Variants in IFI27 observed in about 807,000 individuals in gnomAD.
IFI27 encodes interferon alpha-inducible protein 27, mitochondrial.
A neutral mutation model predicts 8.9 loss-of-function variants in IFI27; 3 were observed. The ratio of observed to expected loss-of-function variants is 0.34; its 90% CI spans 0.15 to 0.87. The LOEUF (loss-of-function observed/expected upper bound fraction) is 0.87. IFI27 is among the 40% of genes least tolerant of loss of function. The pLI is 0.51. For synonymous variants in IFI27, 66 were observed against 67.3 expected (o/e 0.98, Z 0.09); for missense variants, 152 against 157.7 (o/e 0.96, Z 0.19).
At position 94,111,504 on chromosome 14, in the gene IFI27, C is replaced by G; in HGVS notation, c.-58-121C>G. ...CACCCCAGGATCCTTTCAAGGCCTG[C>G]TGCTCCACAAGCTCAGAGCAGCCTC... On this transcript the variant is annotated intron_variant, in intron 1 of 4. Transcript: ENST00000621160. The surrounding 1 kb of genome is among the most constrained non-coding windows in gnomAD (Gnocchi z 4.3). 1 of 611,240 alleles carries G rather than the reference C, an allele frequency of 1.6e-6. No homozygotes were observed. The highest frequency in any genetic ancestry group is 2.0e-5 in the South Asian group (1 of 50,910). The allele number at this position is 611,240 out of a possible 1,614,324, so 37.9% of individuals were successfully genotyped here. A position where few individuals can be genotyped will look rare whatever the true frequency, so the allele number is the denominator to read the frequency against.
Position 94,116,079 on chromosome 14 carries a change from C to T in IFI27, c.283+137C>T. The T allele has an allele frequency of 9.9e-7, 1 of 1,011,670 alleles. No homozygotes were observed. The highest frequency in any genetic ancestry group is 1.5e-6 in the Non-Finnish European group (1 of 667,078). 62.7% of individuals were successfully genotyped at this position (1,011,670 alleles called of 1,614,324 possible). A position where few individuals can be genotyped will look rare whatever the true frequency, so the allele number is the denominator to read the frequency against. ...CTCTCTACACATTCTCTCAGGGTTT[C>T]TCTGAGGGAGATGGAGGAGGGAGGG... On this transcript the variant is annotated intron_variant, in intron 4 of 4. Transcript: ENST00000621160. This position sits in a 1 kb window ranked among gnomAD's most constrained non-coding sequence, Gnocchi z 4.3.
In IFI27 at chr14:94,116,069, C is replaced by T. The variant is rs1298616632; in HGVS notation, c.283+127C>T. ...TCCTCTGTCTCTCTCTACACATTCT[C>T]TCAGGGTTTCTCTGAGGGAGATGGA... On this transcript the variant is annotated intron_variant, in intron 4 of 4. Coordinates refer to ENST00000621160, the Ensembl canonical transcript of IFI27. The surrounding 1 kb of genome is among the most constrained non-coding windows in gnomAD (Gnocchi z 4.3). The T allele has an allele frequency of 1.9e-6, 2 of 1,039,148 alleles. No individual in the cohort carries two copies. Among genetic ancestry groups the T allele is most frequent in the Admixed American group, 2.0e-5 (1 of 50,412 alleles). The allele number at this position is 1,039,148 out of a possible 1,614,324, so 64.4% of individuals were successfully genotyped here. A position where few individuals can be genotyped will look rare whatever the true frequency, so the allele number is the denominator to read the frequency against.
intron 2 of IFI27, chr14:94,114,108 C>T (rs1307587326): frequency 2.0e-5 from 3 of 152,382 alleles, no homozygotes; most frequent in Non-Finnish European, 4.4e-5. Flanking sequence ...GGGAAGGCTT[C>T]CTGGAGGAGG....
In IFI27 at chr14:94,116,383, G is replaced by T; in HGVS notation, c.284-59G>T. The T allele has an allele frequency of 8.1e-7, 1 of 1,240,438 alleles. No individual in the cohort carries two copies. 76.8% of individuals were successfully genotyped at this position (1,240,438 alleles called of 1,614,324 possible). On this transcript the variant is annotated intron_variant, in intron 4 of 4. Coordinates refer to ENST00000621160, the Ensembl canonical transcript of IFI27. The surrounding 1 kb of genome is among the most constrained non-coding windows in gnomAD (Gnocchi z 4.3). ...CTGGAGTCTCTGACCCCACAGTCCT[G>T]CCCACAGAGCTTCCCCGACAGGCAT...
Position 94,111,630 on chromosome 14 carries a change from G to C in IFI27, c.-53G>C. The C allele has an allele frequency of 7.5e-6, 11 of 1,467,696 alleles. No homozygotes were observed. The South Asian group carries it at 1.3e-4, about 17-fold the overall frequency. The allele number at this position is 1,467,696 out of a possible 1,614,324, so 90.9% of individuals were successfully genotyped here. A position where few individuals can be genotyped will look rare whatever the true frequency, so the allele number is the denominator to read the frequency against. On this transcript the variant is annotated 5_prime_UTR_variant, in exon 2 of 5. Transcript: ENST00000621160. This position sits in a 1 kb window ranked among gnomAD's most constrained non-coding sequence, Gnocchi z 4.3. The stretch of plus-strand genomic sequence containing the variant: ...GAGCTCCATCCCTTCGGCAGGTCTG[G>C]CTGAAGTTGAGGATCTCTTACTCTC...
At chr14:94,106,657 CTG>C (rs1360068918), upstream of IFI27, among the ~76,000 whole-genome samples, 6 of 152,132 alleles carry the variant, frequency 3.9e-5, no homozygotes, top group African/African-American at 1.4e-4. Flanking sequence ...AGACTGGAGA[CTG>C]AGTACTTTAT....
At chr14:94,107,758 C>T (rs1398759005), upstream of IFI27, among the ~76,000 whole-genome samples, 1 of 151,870 alleles carries the variant, frequency 6.6e-6, no homozygotes, top group African/African-American at 2.4e-5. Context: ...GGTAATGATC[C>T]ACCACATTTT....
In IFI27 at chr14:94,116,643, A is replaced by C. The variant is rs1170350474; in HGVS notation, c.*116A>C. 1 of 707,678 alleles carries C rather than the reference A, an allele frequency of 1.4e-6. No individual in the cohort carries two copies. The highest frequency in any genetic ancestry group is 2.5e-6 in the Non-Finnish European group (1 of 396,368). 43.8% of individuals were successfully genotyped at this position (707,678 alleles called of 1,614,324 possible). ...ATATACCTGGGGTGAAATATACCAA[A>C]TTCTGCATCTCCAGAGGAAAATAAG... On this transcript the variant is annotated 3_prime_UTR_variant, in exon 5 of 5. Coordinates refer to ENST00000621160, the Ensembl canonical transcript of IFI27. The surrounding 1 kb of genome is among the most constrained non-coding windows in gnomAD (Gnocchi z 4.3).
In IFI27 at chr14:94,114,523, T is replaced by C. The variant is rs1887313905; in HGVS notation, c.92-328T>C. The C allele has an allele frequency of 1.1e-5, 4 of 377,040 alleles. No homozygotes were observed. In the South Asian group the frequency reaches 1.9e-4, roughly 18 times the overall value. The allele number at this position is 377,040 out of a possible 1,614,324, so 23.4% of individuals were successfully genotyped here. On this transcript the variant is annotated intron_variant, in intron 2 of 4. Coordinates refer to ENST00000621160, the Ensembl canonical transcript of IFI27. ...TCTATGAGGTTTTGTTCATTTTCAT[T>C]CTGCTTTTTGTTTGAGCTAAACCTG... is the stretch of plus-strand genomic sequence containing the variant.
In IFI27 at chr14:94,111,700, C is replaced by T. The variant is rs769055213; in HGVS notation, c.18C>T (p.Leu6=). The T allele has an allele frequency of 1.5e-5, 24 of 1,614,026 alleles. No individual in the cohort carries two copies. Among genetic ancestry groups the T allele is most frequent in the Non-Finnish European group, 2.0e-5 (24 of 1,179,960 alleles). The stretch of plus-strand genomic sequence containing the variant: ...GAGCAGGCATGGAGGCCTCTGCTCT[C>T]ACCTCATCAGCAGTGACCAGTGTGG... The change falls in exon 2 of 5, where the codon CTC becomes CTT. Residue 6 remains leucine (L), a synonymous_variant. Transcript: ENST00000621160. This position sits in a 1 kb window ranked among gnomAD's most constrained non-coding sequence, Gnocchi z 4.3.
chr14:94,114,391 G>A (rs1887307819), intron 2 of IFI27: 1 of 172,166 alleles, frequency 5.8e-6, no homozygotes. Context: ...CACCCATCCT[G>A]TTCACTTTTC....
chr14:94,106,492 G>T (rs1456586972), upstream of IFI27, among the ~76,000 whole-genome samples: 1 of 152,076 alleles, frequency 6.6e-6, no homozygotes, highest in Non-Finnish European at 1.5e-5. Flanking sequence ...CGGTTTTTTT[G>T]ATAGCAGCCA....
At position 94,111,332 on chromosome 14, in the gene IFI27, TA is replaced by T. The variant is rs1164432158; in HGVS notation, c.-58-291del. 6.6e-6 allele frequency among the ~76,000 whole-genome samples: 1 copy of T among 152,168 alleles called. No homozygotes were observed. ...CTTTTTCAATTGCTCCGTGGAGAGA[TA>T]AGGGAGTCCCGGAAGTGTCTAAGAC... On this transcript the variant is annotated intron_variant, in intron 1 of 4. Coordinates refer to ENST00000621160, the Ensembl canonical transcript of IFI27. This position sits in a 1 kb window ranked among gnomAD's most constrained non-coding sequence, Gnocchi z 4.3.
intron 2 of IFI27, chr14:94,113,995 C>A (rs972288401): frequency 6.6e-6 from 1 of 152,430 alleles, no homozygotes; most frequent in Admixed American, 6.5e-5. Context: ...CCTCTGCCTG[C>A]TCCCCAGGGG....
upstream of IFI27, among the ~76,000 whole-genome samples, chr14:94,108,857 A>G (rs1887052333): frequency 6.6e-6 from 1 of 152,198 alleles, no homozygotes; most frequent in African/African-American, 2.4e-5. Flanking sequence ...ATAAATATGG[A>G]CCAGGGTGGC....
In IFI27 at chr14:94,116,208, C is replaced by T; in HGVS notation, c.284-234C>T. On this transcript the variant is annotated intron_variant, in intron 4 of 4. Transcript: ENST00000621160. The surrounding 1 kb of genome is among the most constrained non-coding windows in gnomAD (Gnocchi z 4.3). ...TCCCCTCTGGGGTGCAGCCTCCTTC[C>T]CTGAAGAGCGAGGCTGCTTCTAGCT... The T allele has an allele frequency of 1.5e-6, 1 of 675,340 alleles. No homozygotes were observed. Among genetic ancestry groups the T allele is most frequent in the Non-Finnish European group, 2.7e-6 (1 of 372,762 alleles). The allele number at this position is 675,340 out of a possible 1,614,324, so 41.8% of individuals were successfully genotyped here.
chr14:94,106,806 A>G (rs891471791), upstream of IFI27, among the ~76,000 whole-genome samples: 9 of 152,162 alleles, frequency 5.9e-5, no homozygotes, highest in Non-Finnish European at 1.0e-4. Context: ...GTGCAAGAGC[A>G]AGAGGAAGGC....
Position 94,111,228 on chromosome 14 carries a change from G to A in IFI27, c.-58-397G>A, listed in dbSNP as rs1313648358. On this transcript the variant is annotated intron_variant, in intron 1 of 4. Coordinates refer to ENST00000621160, the Ensembl canonical transcript of IFI27. The surrounding 1 kb of genome is among the most constrained non-coding windows in gnomAD (Gnocchi z 4.3). The stretch of plus-strand genomic sequence containing the variant: ...GTCCCATCTTTTTCACGTTAGTGAG[G>A]AGATTACATAAGAGCAGGCACCTCG... Among the ~76,000 whole-genome samples the A allele has an allele frequency of 1.3e-5, 2 of 152,196 alleles. No individual in the cohort carries two copies. The highest frequency in any genetic ancestry group is 4.8e-5 in the African/African-American group (2 of 41,448).
chr14:94,116,383 GC>G lies in IFI27; in HGVS notation c.284-56del. The G allele has an allele frequency of 6.4e-6, 8 of 1,240,438 alleles. No individual in the cohort carries two copies. The highest frequency in any genetic ancestry group is 9.4e-6 in the Non-Finnish European group (8 of 855,164). The allele number at this position is 1,240,438 out of a possible 1,614,324, so 76.8% of individuals were successfully genotyped here. A position where few individuals can be genotyped will look rare whatever the true frequency, so the allele number is the denominator to read the frequency against. On this transcript the variant is annotated intron_variant, in intron 4 of 4. Coordinates refer to ENST00000621160, the Ensembl canonical transcript of IFI27. The surrounding 1 kb of genome is among the most constrained non-coding windows in gnomAD (Gnocchi z 4.3). Reference sequence around the variant, plus strand: ...CTGGAGTCTCTGACCCCACAGTCCTGCCCACAGAGCTTCCCCGACAGGCATG... The same window carrying G: ...CTGGAGTCTCTGACCCCACAGTCCTGCCACAGAGCTTCCCCGACAGGCATG...
Sources: gnomAD v4.1 joint callset for allele counts (sites outside exome capture counted in the v4.1 genomes callset) on GRCh38, gnomAD v4.1.1 for gene constraint, Gnocchi (gnomAD v3.1) non-coding constraint, MANE v1.5 for transcripts, NCBI Gene and HGNC (gene_info 2026-07-23, HGNC 2026-07-21) for gene names.